CNTN5: variants seen among roughly 807,000 people sequenced by gnomAD.
CNTN5 encodes contactin 5.
Under a neutral mutation model 129.1 loss-of-function variants are expected in CNTN5, and 77 were observed. That is an observed-to-expected ratio of 0.60 (90% confidence interval 0.50 to 0.72). The LOEUF (loss-of-function observed/expected upper bound fraction) is 0.72. Among genes scored for constraint, CNTN5 ranks in the 30% least tolerant of loss-of-function variants. The pLI, the probability that CNTN5 is intolerant of heterozygous loss-of-function variation, is 0.00. For missense variants in CNTN5, 1,478 were observed against 1,328.8 expected (o/e 1.11, Z -1.75); for synonymous variants, 509 against 465.6 (o/e 1.09, Z -1.20).
At chr11:99,922,291 G>A (rs1224370365) in intron 7 of CNTN5, among the ~76,000 whole-genome samples, 3 of 152,134 alleles carry the variant, frequency 2.0e-5, no homozygotes, top group Non-Finnish European at 2.9e-5. Flanking sequence ...CCATGATTCA[G>A]TTACCTCTCA....
intron 8 of CNTN5, among the ~76,000 whole-genome samples, chr11:99,980,458 A>G (rs1301145507): frequency 6.6e-6 from 1 of 152,180 alleles, no homozygotes; most frequent in African/African-American, 2.4e-5. Context: ...TAACCGGTGT[A>G]TTAGCAATGA....
At chr11:99,989,392 A>T (rs1447933155) in intron 8 of CNTN5, among the ~76,000 whole-genome samples, 5 of 151,874 alleles carry the variant, frequency 3.3e-5, no homozygotes, top group Admixed American at 1.3e-4. Context: ...TGAATATTTG[A>T]TTTGTCATTC....
chr11:100,185,555 C>T (rs1231322283), intron 13 of CNTN5, among the ~76,000 whole-genome samples: 1 of 152,172 alleles, frequency 6.6e-6, no homozygotes, highest in African/African-American at 2.4e-5. Flanking sequence ...CCTAACTTCA[C>T]TTGTGAATTT....
At chr11:99,463,108 A>AAAATAAATAAATAAAG (rs1554994204) in intron 2 of CNTN5, among the ~76,000 whole-genome samples, 1 of 121,118 alleles carries the variant, frequency 8.3e-6, no homozygotes, top group Non-Finnish European at 1.7e-5. Context: ...ACTCCATCTC[A>AAAATAAATAAATAAAG]AAATAAATAA....
chr11:99,411,796 C>G (rs1942406982), intron 2 of CNTN5, among the ~76,000 whole-genome samples: 1 of 152,192 alleles, frequency 6.6e-6, no homozygotes, highest in South Asian at 2.1e-4. Context: ...CTAAACTTAG[C>G]ACTAAAGTCA....
intron 2 of CNTN5, among the ~76,000 whole-genome samples, chr11:99,366,092 C>T (rs1389028891): frequency 6.6e-6 from 1 of 152,238 alleles, no homozygotes; most frequent in East Asian, 1.9e-4. Context: ...CTTGTAAAAC[C>T]CTTTGGAACC....
intron 9 of CNTN5, among the ~76,000 whole-genome samples, chr11:100,018,776 T>C (rs1940966850): frequency 6.6e-6 from 1 of 151,982 alleles, no homozygotes; most frequent in Admixed American, 6.6e-5. Context: ...TGTACTATTT[T>C]GCATTATTAT....
At chr11:99,559,349 T>C (rs1487433255) in intron 3 of CNTN5, among the ~76,000 whole-genome samples, 1 of 152,112 alleles carries the variant, frequency 6.6e-6, no homozygotes, top group Non-Finnish European at 1.5e-5. Flanking sequence ...CTACGGATTA[T>C]CTTGGGTGTG....
At chr11:99,896,403 T>G (rs1490202852) in intron 6 of CNTN5, among the ~76,000 whole-genome samples, 1 of 152,110 alleles carries the variant, frequency 6.6e-6, no homozygotes, top group East Asian at 1.9e-4. Flanking sequence ...GCTCCCAGAT[T>G]GAGAGAGACT....
intron 17 of CNTN5, among the ~76,000 whole-genome samples, chr11:100,261,162 CAGAG>C (rs1351456009): frequency 6.6e-6 from 1 of 152,078 alleles, no homozygotes; most frequent in African/African-American, 2.4e-5. Flanking sequence ...AATAGACAAA[CAGAG>C]AGCCAAATCA....
intron 1 of CNTN5, among the ~76,000 whole-genome samples, chr11:99,217,259 T>A (rs1441538194): frequency 1.1e-5 from 1 of 87,706 alleles, no homozygotes; most frequent in East Asian, 6.8e-4. Context: ...GAGTAAAATA[T>A]CGGCAAAAGA....
At chr11:99,288,457 A>C (rs552069628) in intron 1 of CNTN5, among the ~76,000 whole-genome samples, 14 of 152,056 alleles carry the variant, frequency 9.2e-5, no homozygotes, top group African/African-American at 3.4e-4. Flanking sequence ...TCTTTAGATT[A>C]TGCTCTCATC....
At chr11:99,657,832 A>C (rs1952435505) in intron 3 of CNTN5, among the ~76,000 whole-genome samples, 1 of 152,152 alleles carries the variant, frequency 6.6e-6, no homozygotes. Flanking sequence ...TGTGAGTGCT[A>C]GATCATTGAT....
chr11:99,753,630 GTC>G (rs770741637), intron 3 of CNTN5, among the ~76,000 whole-genome samples: 29 of 138,562 alleles, frequency 2.1e-4, no homozygotes, highest in Non-Finnish European at 4.0e-4. Context: ...GCAGATGTGA[GTC>G]TCTGTCCAAA....
chr11:100,162,421 ATTT>A (rs973154064), intron 13 of CNTN5, among the ~76,000 whole-genome samples: 4 of 152,046 alleles, frequency 2.6e-5, no homozygotes, highest in Non-Finnish European at 5.9e-5. Flanking sequence ...ACAAATTATT[ATTT>A]TATTATAAAT....
intron 1 of CNTN5, among the ~76,000 whole-genome samples, chr11:99,320,823 A>G (rs555320485): frequency 6.6e-6 from 1 of 152,246 alleles, no homozygotes; most frequent in East Asian, 1.9e-4. Flanking sequence ...ACATTGGGTC[A>G]AACATTATTT....
chr11:100,357,660 G>C lies in CNTN5; in HGVS notation c.*1440G>C, dbSNP rs1289254094. On this transcript the variant is annotated 3_prime_UTR_variant, in exon 25 of 25. Transcript: ENST00000524871. ...CGATGTTAACAAGAGAACAAAAATT[G>C]GTTTTATAATTTTATATAATTTAAA... 1.3e-5 allele frequency: 2 copies of C among 151,222 alleles called. No homozygotes were observed. Among genetic ancestry groups the C allele is most frequent in the East Asian group, 1.9e-4 (1 of 5,162 alleles). 9.4% of individuals were successfully genotyped at this position (151,222 alleles called of 1,614,324 possible). A position where few individuals can be genotyped will look rare whatever the true frequency, so the allele number is the denominator to read the frequency against.
chr11:99,109,621 C>G (rs1857689452), intron 1 of CNTN5, among the ~76,000 whole-genome samples: 1 of 152,046 alleles, frequency 6.6e-6, no homozygotes, highest in African/African-American at 2.4e-5. Context: ...TGATTACAGA[C>G]AGTTGTAGAT....
intron 3 of CNTN5, among the ~76,000 whole-genome samples, chr11:99,736,062 CTCTT>C (rs1297216616): frequency 6.6e-6 from 1 of 151,828 alleles, no homozygotes; most frequent in South Asian, 2.1e-4. Flanking sequence ...GTCCCTCTCT[CTCTT>C]TCTTTTTCAT....
Sources: allele counts gnomAD v4.1 joint callset (sites outside exome capture counted in the v4.1 genomes callset), GRCh38; gene constraint gnomAD v4.1.1; transcripts MANE v1.5; gene names NCBI Gene and HGNC (gene_info 2026-07-23, HGNC 2026-07-21).